Variants in ELMO1 observed in about 807,000 individuals in gnomAD.
ELMO1 encodes engulfment and cell motility protein 1.
Under a neutral mutation model 98.9 loss-of-function variants are expected in ELMO1, and 26 were observed. The observed-to-expected ratio is 0.26, with a 90% CI of 0.19 to 0.36. The LOEUF (loss-of-function observed/expected upper bound fraction) is 0.36. Among genes scored for constraint, ELMO1 ranks in the 10% least tolerant of loss-of-function variants. The pLI is 1.00. For synonymous variants in ELMO1, 346 were observed against 346.0 expected, an observed-to-expected ratio of 1.00 and a Z score of 0.00; for missense variants, 627 against 935.2, an observed-to-expected ratio of 0.67 and a Z score of 4.30.
intron 14 of ELMO1, among the ~76,000 whole-genome samples, chr7:37,100,949 C>T (rs183294002): frequency 1.1e-4 from 17 of 152,350 alleles, no homozygotes; most frequent in Admixed American, 9.1e-4. Flanking sequence ...ATGGGACTGT[C>T]GTGCATATCA....
intron 15 of ELMO1, among the ~76,000 whole-genome samples, chr7:37,054,987 C>T (rs1435423711): frequency 6.6e-6 from 1 of 152,220 alleles, no homozygotes; most frequent in East Asian, 1.9e-4. Context: ...AATGCTACTG[C>T]TTAAAAACAA....
intron 21 of ELMO1, among the ~76,000 whole-genome samples, chr7:36,856,805 G>A (rs1013074663): frequency 6.6e-6 from 1 of 152,162 alleles, no homozygotes; most frequent in African/African-American, 2.4e-5. Flanking sequence ...GTCCTATATA[G>A]GATTCTATAA....
At chr7:37,056,461 C>G (rs535624082) in intron 15 of ELMO1, among the ~76,000 whole-genome samples, 1 of 152,186 alleles carries the variant, frequency 6.6e-6, no homozygotes, top group African/African-American at 2.4e-5. Flanking sequence ...GATGCAGTGT[C>G]GGTGACTGTC....
At chr7:37,340,577 T>C (rs1299547392) in intron 2 of ELMO1, among the ~76,000 whole-genome samples, 1 of 152,210 alleles carries the variant, frequency 6.6e-6, no homozygotes, top group African/African-American at 2.4e-5. Context: ...TTGGTAGTTA[T>C]GTTAATGTGA....
intron 13 of ELMO1, among the ~76,000 whole-genome samples, chr7:37,188,860 G>A (rs902482199): frequency 1.3e-5 from 2 of 152,156 alleles, no homozygotes; most frequent in East Asian, 1.9e-4. Flanking sequence ...CTTCCATGAG[G>A]AGCTTCTATG....
chr7:36,900,319 T>C (rs891898016), intron 16 of ELMO1, among the ~76,000 whole-genome samples: 6 of 152,346 alleles, frequency 3.9e-5, no homozygotes, highest in African/African-American at 1.2e-4. Flanking sequence ...TGTAAGTCCC[T>C]GGAGGGCAGG....
intron 13 of ELMO1, among the ~76,000 whole-genome samples, chr7:37,153,907 C>T (rs911358674): frequency 6.6e-6 from 1 of 152,158 alleles, no homozygotes; most frequent in Non-Finnish European, 1.5e-5. Flanking sequence ...CCAGTAGGAG[C>T]AGACAGACAC....
At chr7:37,294,343 C>T (rs938923267) in intron 4 of ELMO1, among the ~76,000 whole-genome samples, 3 of 140,126 alleles carry the variant, frequency 2.1e-5, no homozygotes, top group Non-Finnish European at 4.7e-5. Flanking sequence ...GGTGACTGAG[C>T]GAGAAGCCAT....
chr7:36,895,082 C>T, intron 16 of ELMO1, 65 bp from the exon 17 acceptor site: 1 of 1,586,474 alleles, frequency 6.3e-7, no homozygotes, highest in South Asian at 1.1e-5. Flanking sequence ...AAAAGTCTTT[C>T]CGAGTTAAGG....
chr7:37,306,302 A>G (rs1225457630), intron 4 of ELMO1, among the ~76,000 whole-genome samples: 2 of 152,208 alleles, frequency 1.3e-5, no homozygotes, highest in Admixed American at 1.3e-4. Context: ...TATTTAGAGA[A>G]CACTACAGCA....
At chr7:37,175,573 C>G (rs1443174650) in intron 13 of ELMO1, among the ~76,000 whole-genome samples, 1 of 152,198 alleles carries the variant, frequency 6.6e-6, no homozygotes, top group Admixed American at 6.5e-5. Context: ...AGGCTGGGCA[C>G]TGTGGCTCAT....
intron 19 of ELMO1, among the ~76,000 whole-genome samples, chr7:36,871,731 C>CA (rs1305553687): frequency 3.3e-5 from 5 of 152,178 alleles, no homozygotes; most frequent in Admixed American, 6.5e-5. Flanking sequence ...AAACAATAGA[C>CA]AGGAAGGCCT....
intron 16 of ELMO1, among the ~76,000 whole-genome samples, chr7:36,944,104 A>G (rs1787277847): frequency 6.6e-6 from 1 of 152,220 alleles, no homozygotes; most frequent in Non-Finnish European, 1.5e-5. Context: ...TGTGCTTCAC[A>G]GTGATCTTAG....
At chr7:36,902,728 C>T (rs1349134168) in intron 16 of ELMO1, among the ~76,000 whole-genome samples, 1 of 152,168 alleles carries the variant, frequency 6.6e-6, no homozygotes, top group African/African-American at 2.4e-5. Flanking sequence ...AGTGATGTAG[C>T]AATGATCAAA....
intron 4 of ELMO1, among the ~76,000 whole-genome samples, chr7:37,276,790 T>G (rs1264074767): frequency 6.6e-6 from 1 of 152,254 alleles, no homozygotes; most frequent in Admixed American, 6.5e-5. Flanking sequence ...CTTCTGTAAG[T>G]TGACCGGCAT....
At chr7:36,868,737 C>A (rs1803256946) in intron 20 of ELMO1, among the ~76,000 whole-genome samples, 1 of 152,182 alleles carries the variant, frequency 6.6e-6, no homozygotes, top group African/African-American at 2.4e-5. Flanking sequence ...ACCTATTTTA[C>A]ATAATTCCCT....
At chr7:37,080,368 G>A (rs13232698) in intron 15 of ELMO1, among the ~76,000 whole-genome samples, 5,363 of 151,524 alleles carry the variant, frequency 0.035, 107 homozygotes, top group Middle Eastern at 0.072. Flanking sequence ...CTCTTTCTAC[G>A]TAGAGTAAAA....
intron 16 of ELMO1, among the ~76,000 whole-genome samples, chr7:36,947,335 A>G (rs1347860083): frequency 6.6e-6 from 1 of 152,162 alleles, no homozygotes; most frequent in Non-Finnish European, 1.5e-5. Context: ...CATCTCTCCC[A>G]TATTCCTGGT....
At chr7:36,989,706 G>T (rs1334806115) in intron 16 of ELMO1, among the ~76,000 whole-genome samples, 1 of 152,064 alleles carries the variant, frequency 6.6e-6, no homozygotes, top group African/African-American at 2.4e-5. Flanking sequence ...GTGGAGGGTG[G>T]GTAGACAGCA....
Sources: gnomAD v4.1 joint callset for allele counts (sites outside exome capture counted in the v4.1 genomes callset) on GRCh38, gnomAD v4.1.1 for gene constraint, MANE v1.5 for transcripts, NCBI Gene and HGNC (gene_info 2026-07-23, HGNC 2026-07-21) for gene names.